AIG1: variants seen among roughly 807,000 people sequenced by gnomAD.
AIG1 encodes androgen induced 1.
In AIG1, 23 loss-of-function variants were observed where a neutral mutation model predicts 31.4. The ratio of observed to expected loss-of-function variants is 0.73; its 90% CI spans 0.53 to 1.04. The LOEUF (loss-of-function observed/expected upper bound fraction) is 1.04, where lower values mean the gene tolerates loss of function less well. Among genes scored for constraint, AIG1 ranks in the 50% least tolerant of loss-of-function variants. AIG1 has a pLI of 0.00. For synonymous variants in AIG1, 100 were observed against 110.5 expected, an observed-to-expected ratio of 0.90 and a Z score of 0.60; for missense variants, 274 against 295.0, an observed-to-expected ratio of 0.93 and a Z score of 0.52.
In AIG1 at chr6:143,292,351, G is replaced by GT. The variant is rs1173270440; in HGVS notation, c.515+8127dup. ...AGTCTAATCCCATGAATCCTTAAGA[G>GT]TGGAGAGCCATTCACAACTGTGGTC... On this transcript the variant is annotated intron_variant, in intron 4 of 5. Transcript: ENST00000357847. The surrounding 1 kb of genome is among the most constrained non-coding windows in gnomAD (Gnocchi z 4.9). Among the ~76,000 whole-genome samples the GT allele has an allele frequency of 1.3e-5, 2 of 152,224 alleles. No homozygotes were observed. Among genetic ancestry groups the GT allele is most frequent in the African/African-American group, 4.8e-5 (2 of 41,452 alleles).
At chr6:143,089,708 C>T (rs1054075575) in intron 1 of AIG1, among the ~76,000 whole-genome samples, 2 of 152,052 alleles carry the variant, frequency 1.3e-5, no homozygotes, top group African/African-American at 2.4e-5. Flanking sequence ...GAAGAGATCA[C>T]GTGGCAAGGG....
chr6:143,282,251 T>G (rs1797386351), intron 3 of AIG1, among the ~76,000 whole-genome samples: 1 of 152,166 alleles, frequency 6.6e-6, no homozygotes, highest in Admixed American at 6.5e-5. Flanking sequence ...AATGTCATTG[T>G]CATTTATGAT....
At chr6:143,171,174 T>G (rs1290032590) in intron 3 of AIG1, among the ~76,000 whole-genome samples, 1 of 151,522 alleles carries the variant, frequency 6.6e-6, no homozygotes, top group Non-Finnish European at 1.5e-5. Flanking sequence ...AATTGTAGTC[T>G]TTTATCCCTC....
intron 3 of AIG1, among the ~76,000 whole-genome samples, chr6:143,171,420 A>G (rs1395524101): frequency 2.8e-5 from 3 of 108,256 alleles, no homozygotes; most frequent in Non-Finnish European, 5.1e-5. Flanking sequence ...GTATATATAT[A>G]TAATATATAT....
intron 4 of AIG1, among the ~76,000 whole-genome samples, chr6:143,310,992 T>C (rs1427165785): frequency 1.3e-5 from 2 of 151,932 alleles, no homozygotes; most frequent in Admixed American, 6.6e-5. Context: ...TCAGATGGCT[T>C]CACTGGCAAA....
chr6:143,219,499 A>C (rs770673219), intron 3 of AIG1, among the ~76,000 whole-genome samples: 1 of 152,070 alleles, frequency 6.6e-6, no homozygotes, highest in Admixed American at 6.6e-5. Context: ...AACAAAACAA[A>C]ACTGGAGTCA....
chr6:143,091,069 T>A (rs1779262296), intron 1 of AIG1, among the ~76,000 whole-genome samples: 1 of 151,258 alleles, frequency 6.6e-6, no homozygotes, highest in African/African-American at 2.4e-5. Context: ...AAGAAAGCAT[T>A]TTCTTTGCTC....
At chr6:143,097,583 A>G (rs1779908586) in intron 1 of AIG1, among the ~76,000 whole-genome samples, 1 of 152,150 alleles carries the variant, frequency 6.6e-6, no homozygotes, top group Non-Finnish European at 1.5e-5. Flanking sequence ...TACTGTGCTG[A>G]CCAACCAGCT....
At chr6:143,152,905 T>A (rs1785368388) in intron 2 of AIG1, among the ~76,000 whole-genome samples, 1 of 152,176 alleles carries the variant, frequency 6.6e-6, no homozygotes, top group Non-Finnish European at 1.5e-5. Flanking sequence ...TCAAACCTAA[T>A]AGCCATCATT....
chr6:143,182,718 G>A (rs1277055556), intron 3 of AIG1, among the ~76,000 whole-genome samples: 1 of 152,144 alleles, frequency 6.6e-6, no homozygotes, highest in African/African-American at 2.4e-5. Context: ...TTTCCATAGG[G>A]TAGGGGTCTT....
chr6:143,193,498 T>A (rs911561078), intron 3 of AIG1, among the ~76,000 whole-genome samples: 2 of 152,198 alleles, frequency 1.3e-5, no homozygotes, highest in Non-Finnish European at 2.9e-5. Flanking sequence ...TCTTTTTATA[T>A]CCTCCACATG....
chr6:143,286,327 G>A (rs749917809), intron 4 of AIG1, among the ~76,000 whole-genome samples: 5 of 151,988 alleles, frequency 3.3e-5, no homozygotes, highest in Non-Finnish European at 5.9e-5. Context: ...CATGCCAAGT[G>A]AGGCTTGCCA....
chr6:143,068,277 A>T (rs1297573071), intron 1 of AIG1, among the ~76,000 whole-genome samples: 2 of 152,232 alleles, frequency 1.3e-5, no homozygotes, highest in Admixed American at 6.5e-5. Context: ...GAACAACAGT[A>T]CAATTTTCCA....
chr6:143,212,948 G>T (rs540875132), intron 3 of AIG1, among the ~76,000 whole-genome samples: 1 of 152,288 alleles, frequency 6.6e-6, no homozygotes, highest in East Asian at 1.9e-4. Context: ...TGTGCTTATT[G>T]TGAGAGATAT....
intron 3 of AIG1, among the ~76,000 whole-genome samples, chr6:143,166,527 T>G (rs1403059643): frequency 6.6e-6 from 1 of 152,218 alleles, no homozygotes; most frequent in Non-Finnish European, 1.5e-5. Context: ...TACTTGTGCT[T>G]GCACAGCACT....
chr6:143,140,554 G>A (rs1784163647), intron 2 of AIG1, among the ~76,000 whole-genome samples: 4 of 152,030 alleles, frequency 2.6e-5, no homozygotes, highest in Admixed American at 2.0e-4. Flanking sequence ...TTATTAAAAT[G>A]CAAACTCTCC....
At chr6:143,107,504 TAGGTCCTTAAA>T (rs1780907240) in intron 1 of AIG1, among the ~76,000 whole-genome samples, 1 of 152,160 alleles carries the variant, frequency 6.6e-6, no homozygotes, top group Admixed American at 6.6e-5. Context: ...AGTGAAAATG[TAGGTCCTTAAA>T]AGTAAACTAG....
intron 4 of AIG1, among the ~76,000 whole-genome samples, chr6:143,316,095 G>A (rs1775720227): frequency 6.6e-6 from 1 of 152,068 alleles, no homozygotes. Context: ...GAGGTCTCCA[G>A]CCTTGGCCAT....
chr6:143,099,137 A>T (rs1044810888), intron 1 of AIG1, among the ~76,000 whole-genome samples: 1 of 152,240 alleles, frequency 6.6e-6, no homozygotes, highest in Non-Finnish European at 1.5e-5. Flanking sequence ...GATAATAACC[A>T]TATAATATTT....
Sources: gnomAD v4.1 joint callset for allele counts (sites outside exome capture counted in the v4.1 genomes callset) on GRCh38, gnomAD v4.1.1 for gene constraint, Gnocchi (gnomAD v3.1) non-coding constraint, MANE v1.5 for transcripts, NCBI Gene and HGNC (gene_info 2026-07-23, HGNC 2026-07-21) for gene names.